Variants in EXOC4 observed in about 807,000 individuals in gnomAD.
EXOC4 encodes SEC8-like 1.
Under a neutral mutation model 107.2 loss-of-function variants are expected in EXOC4, and 71 were observed. The observed-to-expected ratio is 0.66, with a 90% CI of 0.55 to 0.81. The LOEUF (loss-of-function observed/expected upper bound fraction) is 0.81, where lower values mean the gene tolerates loss of function less well. EXOC4 is among the 30% of genes least tolerant of loss of function. The probability of loss-of-function intolerance (pLI) is 0.00; values close to 1 mark genes in which losing one functional copy is unlikely to be tolerated. For missense variants in EXOC4, 1,108 were observed against 1,189.6 expected (o/e 0.93, Z 1.01); for synonymous variants, 456 against 441.2 (o/e 1.03, Z -0.42).
At chr7:133,282,622 T>TA (rs968228122) in intron 2 of EXOC4, among the ~76,000 whole-genome samples, 30 of 152,266 alleles carry the variant, frequency 2.0e-4, no homozygotes, top group Non-Finnish European at 2.9e-4. Flanking sequence ...CTGTTCCTAT[T>TA]AAAAAAACCT....
At chr7:133,553,786 G>C (rs1040395144) in intron 9 of EXOC4, among the ~76,000 whole-genome samples, 11 of 152,132 alleles carry the variant, frequency 7.2e-5, no homozygotes, top group Admixed American at 6.6e-4. Flanking sequence ...AGTGAGAGGT[G>C]ATCCTAGGTT....
chr7:133,405,120 GTTTC>G (rs1337735853), intron 7 of EXOC4, among the ~76,000 whole-genome samples: 1 of 151,984 alleles, frequency 6.6e-6, no homozygotes, highest in African/African-American at 2.4e-5. Flanking sequence ...GGTAAGTACT[GTTTC>G]TTTATTTTGT....
intron 10 of EXOC4, among the ~76,000 whole-genome samples, chr7:133,703,370 C>G (rs1180021833): frequency 6.6e-6 from 1 of 152,188 alleles, no homozygotes; most frequent in South Asian, 2.1e-4. Flanking sequence ...AGGATACCTT[C>G]GTCACATGGA....
chr7:133,845,984 G>A (rs981698909), intron 11 of EXOC4, among the ~76,000 whole-genome samples: 1 of 151,964 alleles, frequency 6.6e-6, no homozygotes, highest in Non-Finnish European at 1.5e-5. Context: ...ACTTTGCAAT[G>A]AATTCTGTAA....
intron 10 of EXOC4, among the ~76,000 whole-genome samples, chr7:133,739,222 T>TTG (rs72444310): frequency 0.16 from 22,171 of 142,060 alleles, 1,574 homozygotes; most frequent in East Asian, 0.23. Context: ...GTAGAGGGGT[T>TTG]TGTGTGTGTG....
At chr7:134,032,576 C>T (rs1487691115) in intron 17 of EXOC4, among the ~76,000 whole-genome samples, 1 of 152,216 alleles carries the variant, frequency 6.6e-6, no homozygotes, top group Non-Finnish European at 1.5e-5. Flanking sequence ...CAGTCCTGAG[C>T]TGGGGGGCCT....
intron 9 of EXOC4, among the ~76,000 whole-genome samples, chr7:133,525,044 T>C (rs1247529527): frequency 1.3e-5 from 2 of 152,140 alleles, no homozygotes; most frequent in Non-Finnish European, 2.9e-5. Context: ...TTACGAAGAG[T>C]CTGTGACATC....
chr7:133,652,450 A>T (rs7794849), intron 10 of EXOC4, among the ~76,000 whole-genome samples: 20,612 of 100,664 alleles, frequency 0.2, 1,533 homozygotes, highest in East Asian at 0.33. Flanking sequence ...TTTTTTTTTT[A>T]AAAAAAACAA....
At chr7:133,632,044 G>T (rs1404133428) in intron 10 of EXOC4, among the ~76,000 whole-genome samples, 1 of 152,034 alleles carries the variant, frequency 6.6e-6, no homozygotes, top group South Asian at 2.1e-4. Flanking sequence ...TTTTAAATGT[G>T]AAGTTAGAAT....
intron 12 of EXOC4, among the ~76,000 whole-genome samples, chr7:133,912,868 C>T (rs1799727143): frequency 6.6e-6 from 1 of 152,088 alleles, no homozygotes; most frequent in South Asian, 2.1e-4. Flanking sequence ...TTGCTTGGGT[C>T]CCGCAGCCCA....
intron 10 of EXOC4, among the ~76,000 whole-genome samples, chr7:133,646,543 C>G (rs1411339455): frequency 6.6e-6 from 1 of 151,970 alleles, no homozygotes; most frequent in Non-Finnish European, 1.5e-5. Flanking sequence ...TCTTCTCAGT[C>G]TTCTAGATGC....
intron 3 of EXOC4, among the ~76,000 whole-genome samples, chr7:133,294,810 G>A (rs1794482406): frequency 6.6e-6 from 1 of 152,150 alleles, no homozygotes; most frequent in Non-Finnish European, 1.5e-5. Flanking sequence ...TAGTTAACAA[G>A]ATCCTTTGGA....
intron 14 of EXOC4, among the ~76,000 whole-genome samples, chr7:133,977,701 G>T (rs1485891104): frequency 6.6e-6 from 1 of 151,250 alleles, no homozygotes; most frequent in Non-Finnish European, 1.5e-5. Context: ...GTTTGTTTTT[G>T]TGTGTGTGGT....
chr7:133,370,610 A>T (rs1220036140), intron 6 of EXOC4, among the ~76,000 whole-genome samples: 1 of 152,162 alleles, frequency 6.6e-6, no homozygotes, highest in Non-Finnish European at 1.5e-5. Flanking sequence ...TTTTTAAAAA[A>T]ATCTTGGTAG....
intron 10 of EXOC4, among the ~76,000 whole-genome samples, chr7:133,636,168 G>A (rs1356874162): frequency 1.3e-5 from 2 of 152,182 alleles, no homozygotes; most frequent in Admixed American, 6.5e-5. Context: ...CATTCATTAA[G>A]TGTTTGATGA....
At chr7:133,380,213 A>T (rs959267146) in intron 7 of EXOC4, among the ~76,000 whole-genome samples, 5 of 150,958 alleles carry the variant, frequency 3.3e-5, no homozygotes, top group Non-Finnish European at 7.4e-5. Context: ...CGTTGTGCAC[A>T]TGTACCCTAG....
intron 10 of EXOC4, among the ~76,000 whole-genome samples, chr7:133,681,839 T>C (rs192637170): frequency 1.3e-3 from 192 of 152,264 alleles, no homozygotes; most frequent in Middle Eastern, 3.4e-3. Flanking sequence ...AAGGATTAAA[T>C]AAATTAATAC....
chr7:133,326,926 C>A (rs1361249966), intron 5 of EXOC4, among the ~76,000 whole-genome samples: 1 of 152,228 alleles, frequency 6.6e-6, no homozygotes, highest in East Asian at 1.9e-4. Context: ...CCTTCCCCAG[C>A]CTTGCTGCTG....
chr7:133,582,052 C>A (rs1198869833), intron 9 of EXOC4, among the ~76,000 whole-genome samples: 1 of 152,108 alleles, frequency 6.6e-6, no homozygotes, highest in Non-Finnish European at 1.5e-5. Flanking sequence ...CAGGCCCCTC[C>A]CCTGACATGT....
Sources: allele counts gnomAD v4.1 joint callset (sites outside exome capture counted in the v4.1 genomes callset), GRCh38; gene constraint gnomAD v4.1.1; transcripts MANE v1.5; gene names NCBI Gene and HGNC (gene_info 2026-07-23, HGNC 2026-07-21).